Variants in BABAM1 observed in about 807,000 individuals in gnomAD.
BABAM1 encodes BRISC and BRCA1 A complex member 1.
BABAM1 carries 14 observed loss-of-function variants against 34.4 expected under a neutral mutation model. The ratio of observed to expected loss-of-function variants is 0.41; its 90% CI spans 0.27 to 0.64. BABAM1 has a LOEUF of 0.64. Among genes scored for constraint, BABAM1 ranks in the 30% least tolerant of loss-of-function variants. The pLI is 0.34. For missense variants in BABAM1, 393 were observed against 434.0 expected (o/e 0.91, Z 0.84); for synonymous variants, 169 against 165.8 (o/e 1.02, Z -0.15).
At chr19:17,272,923 C>T (rs113572125) in intron 3 of BABAM1, among the ~76,000 whole-genome samples, 25,574 of 151,982 alleles carry the variant, frequency 0.17, 2,338 homozygotes, top group Non-Finnish European at 0.2. Context: ...GAGGCTGAGG[C>T]AGGAGAATCG....
chr19:17,276,330 A>G (rs1024261712), intron 6 of BABAM1, 165 bp from the exon 7 acceptor site: 14 of 1,037,076 alleles, frequency 1.3e-5, no homozygotes, highest in Non-Finnish European at 1.8e-5. Flanking sequence ...GAACATGCTC[A>G]GGGCAGAGGG....
Position 17,268,834 on chromosome 19 carries a change from A to C in BABAM1, c.28A>C (p.Thr10Pro). ...GGAAGTGGCAGAGCCCAGCAGCCCC[A>C]CTGAAGAGGAGGAGGAGGAAGAGGA... MEVAEPSSP[T>P]EEEEEEEEHS... Residue 10 changes from threonine to proline, a missense_variant, in exon 2 of 9, where the codon ACT becomes CCT. By Grantham distance (38) the Thr-to-Pro change is conservative. Coordinates refer to ENST00000598188, the MANE Select transcript of BABAM1 (RefSeq NM_014173.4). 1 of 1,610,202 alleles carries C rather than the reference A, an allele frequency of 6.2e-7. No individual in the cohort carries two copies. The highest frequency in any genetic ancestry group is 8.5e-7 in the Non-Finnish European group (1 of 1,178,076).
chr19:17,278,931 G>A lies in BABAM1; in HGVS notation c.873G>A (p.Leu291=), dbSNP rs1164576016. The A allele has an allele frequency of 1.9e-6, 3 of 1,613,252 alleles. No individual in the cohort carries two copies. The highest frequency in any genetic ancestry group is 2.5e-6 in the Non-Finnish European group (3 of 1,179,734). Residue 291 remains leucine, a synonymous_variant, in exon 9 of 9, where the codon TTG becomes TTA. Coordinates refer to ENST00000598188, the MANE Select transcript of BABAM1 (RefSeq NM_014173.4). The part of the protein sequence containing the change: ...EVALAGPALE[L]HNCMAKLLAH... ...CACTGGCTGGGCCAGCCCTGGAGTTGCACAACTGCATGGCGAAACTGTTGG... is the reference window on the plus strand; with the variant it reads ...CACTGGCTGGGCCAGCCCTGGAGTTACACAACTGCATGGCGAAACTGTTGG...
chr19:17,269,342 G>T (rs1413559118), intron 2 of BABAM1, among the ~76,000 whole-genome samples: 4 of 144,184 alleles, frequency 2.8e-5, no homozygotes, highest in Admixed American at 2.1e-4. Context: ...TCTTCATTTT[G>T]TCTGTCTTTT....
rs1489557171 is a variant in BABAM1, at chr19:17,279,209, G to A, written c.*161G>A. On this transcript the variant is annotated 3_prime_UTR_variant, in exon 9 of 9. Coordinates refer to ENST00000598188, the MANE Select transcript of BABAM1 (RefSeq NM_014173.4). ...GAGGGAAACCCAGGATTCCAGGAGG[G>A]ATCCCAGGAACTGTGGGCACCCATT... The A allele has an allele frequency of 1.5e-6, 1 of 669,534 alleles. No homozygotes were observed. Among genetic ancestry groups the A allele is most frequent in the East Asian group, 2.9e-5 (1 of 34,704 alleles). 41.5% of individuals were successfully genotyped at this position (669,534 alleles called of 1,614,324 possible). A position where few individuals can be genotyped will look rare whatever the true frequency, so the allele number is the denominator to read the frequency against.
At chr19:17,275,954 C>T (rs138214544) in intron 6 of BABAM1, 129 bp downstream of exon 6, 1 of 1,033,976 alleles carries the variant, frequency 9.7e-7, no homozygotes. Flanking sequence ...TCGCCCCGAG[C>T]AATTCCTCAT....
intron 3 of BABAM1, among the ~76,000 whole-genome samples, chr19:17,273,651 C>T (rs2073873010): frequency 6.9e-6 from 1 of 145,542 alleles, no homozygotes; most frequent in South Asian, 2.2e-4. Flanking sequence ...GCAACCTCCG[C>T]CTTCTGGGTT....
intron 7 of BABAM1, 91 bp from the exon 8 acceptor site, chr19:17,276,732 C>T (rs2073913590): frequency 6.4e-7 from 1 of 1,554,762 alleles, no homozygotes; most frequent in South Asian, 1.2e-5. Flanking sequence ...AGGTAAGTTC[C>T]CAGAGTCTGA....
chr19:17,269,184 C>G lies in BABAM1; in HGVS notation c.285+93C>G, dbSNP rs977543833. On this transcript the variant is annotated intron_variant, in intron 2 of 8. Transcript: ENST00000598188. ...ACACTGCAAACATTCCCTTTGTATT[C>G]GTTACCTGTGGCTGCCACAAGTCAC... 10 of 1,385,076 alleles carry G rather than the reference C, an allele frequency of 7.2e-6. No individual in the cohort carries two copies. The African/African-American group carries it at 1.0e-4, about 14-fold the overall frequency. 85.8% of individuals were successfully genotyped at this position (1,385,076 alleles called of 1,614,324 possible). A position where few individuals can be genotyped will look rare whatever the true frequency, so the allele number is the denominator to read the frequency against.
chr19:17,274,394 A>G, intron 5 of BABAM1: 1 of 615,642 alleles, frequency 1.6e-6, no homozygotes, highest in Non-Finnish European at 2.8e-6. Flanking sequence ...ATGCTGTAAC[A>G]ATACAGAAGC....
chr19:17,267,967 C>T (rs118173073), intron 1 of BABAM1, among the ~76,000 whole-genome samples: 2,150 of 151,800 alleles, frequency 0.014, 33 homozygotes, highest in South Asian at 0.041. Context: ...TAGATTGGGT[C>T]TAACAGGAGC....
At chr19:17,272,078 T>C (rs2073847631) in intron 3 of BABAM1, among the ~76,000 whole-genome samples, 1 of 151,998 alleles carries the variant, frequency 6.6e-6, no homozygotes, top group South Asian at 2.1e-4. Flanking sequence ...GTACCTGAGA[T>C]TATAGGCATG....
At position 17,276,916 on chromosome 19, in the gene BABAM1, G is replaced by A. The variant is rs1225955731; in HGVS notation, c.786+7G>A. On this transcript the variant is annotated splice_region_variant and intron_variant, in intron 8 of 8. Transcript: ENST00000598188. ...GGAGGAGATGAGTTGGAAGGTGAGA[G>A]GCTGCAGCAGGTGTGAGTAGCAGGC... 2 of 1,588,116 alleles carry A rather than the reference G, an allele frequency of 1.3e-6. No individual in the cohort carries two copies. Among genetic ancestry groups the A allele is most frequent in the Non-Finnish European group, 1.7e-6 (2 of 1,167,036 alleles).
intron 2 of BABAM1, among the ~76,000 whole-genome samples, chr19:17,269,576 C>G (rs1052766723): frequency 2.6e-5 from 4 of 151,986 alleles, no homozygotes; most frequent in Non-Finnish European, 5.9e-5. Context: ...GTCTCGAACT[C>G]TTGACCTTGG....
rs2073906749 is a variant in BABAM1 at position 17,276,273 on chromosome 19, T to TG, written c.570-221dup. 8.2e-6 allele frequency: 5 copies of TG among 607,198 alleles called. No individual in the cohort carries two copies. The African/African-American group carries it at 9.5e-5, about 12-fold the overall frequency. The allele number at this position is 607,198 out of a possible 1,614,324, so 37.6% of individuals were successfully genotyped here. On this transcript the variant is annotated intron_variant, in intron 6 of 8. Transcript: ENST00000598188. ...TCGCTTGAACCTGGGAGGTAGAGGTTGCAGTGAGCCGAGATCTCACCATTG... is the reference window on the plus strand; with the variant it reads ...TCGCTTGAACCTGGGAGGTAGAGGTTGGCAGTGAGCCGAGATCTCACCATTG...
chr19:17,274,210 C>G, intron 5 of BABAM1, 25 bp downstream of exon 5: 1 of 1,609,278 alleles, frequency 6.2e-7, no homozygotes, highest in Non-Finnish European at 8.5e-7. Context: ...AGAGATGTCC[C>G]CATGAAGGGG....
At chr19:17,273,703 C>T (rs1405091104) in intron 3 of BABAM1, among the ~76,000 whole-genome samples, 1 of 151,664 alleles carries the variant, frequency 6.6e-6, no homozygotes, top group Non-Finnish European at 1.5e-5. Flanking sequence ...GCTGGGATTA[C>T]AGGCACTCGC....
At chr19:17,270,887 T>A (rs767275361) in intron 2 of BABAM1, among the ~76,000 whole-genome samples, 2 of 151,668 alleles carry the variant, frequency 1.3e-5, no homozygotes, top group African/African-American at 4.9e-5. Flanking sequence ...AGACCAGGTT[T>A]CACCCTGTTA....
intron 8 of BABAM1, among the ~76,000 whole-genome samples, chr19:17,278,561 A>G (rs530634476): frequency 7.9e-5 from 12 of 152,212 alleles, no homozygotes; most frequent in South Asian, 6.2e-4. Flanking sequence ...TGCCCGCCTC[A>G]GCCTCCCAAA....
Sources: allele counts gnomAD v4.1 joint callset (sites outside exome capture counted in the v4.1 genomes callset), GRCh38; gene constraint gnomAD v4.1.1; transcripts MANE v1.5; gene names NCBI Gene and HGNC (gene_info 2026-07-23, HGNC 2026-07-21).